CATSPERT: variants seen among roughly 807,000 people sequenced by gnomAD.
CATSPERT encodes the protein catsper channel auxiliary subunit tau, also known as cation channel sperm-associated targeting subunit tau.
the CATSPERT span, among the ~76,000 whole-genome samples, chr2:201,567,204 A>C: frequency 1.3e-5 from 2 of 152,210 alleles, no homozygotes; most frequent in African/African-American, 4.8e-5. Context: ...ATGTATACCC[A>C]GTGGTCCCTA....
chr2:201,537,476 A>G, the CATSPERT span: 1 of 1,587,508 alleles, frequency 6.3e-7, no homozygotes, highest in South Asian at 1.2e-5. Flanking sequence ...TACAAGAGGG[A>G]TATCTGCTTA....
the CATSPERT span, among the ~76,000 whole-genome samples, chr2:201,599,644 T>A: frequency 6.6e-6 from 1 of 152,206 alleles, no homozygotes; most frequent in African/African-American, 2.4e-5. Flanking sequence ...GCTTGTCCAA[T>A]TTTCTGTGTA....
chr2:201,501,292 G>A, the CATSPERT span, among the ~76,000 whole-genome samples: 1 of 151,076 alleles, frequency 6.6e-6, no homozygotes. Context: ...TAGCTACTCA[G>A]GAGGCTGAGG....
chr2:201,495,403 C>T, the CATSPERT span, among the ~76,000 whole-genome samples: 117 of 152,206 alleles, frequency 7.7e-4, 2 homozygotes, highest in South Asian at 0.023. Context: ...CTCAGGATTA[C>T]AGTAAAAATT....
At chr2:201,589,754 A>G in the CATSPERT span, among the ~76,000 whole-genome samples, 1 of 152,176 alleles carries the variant, frequency 6.6e-6, no homozygotes, top group Non-Finnish European at 1.5e-5. Flanking sequence ...GCAAAAATTG[A>G]CAAATGGGAT....
chr2:201,608,694 A>G, the CATSPERT span, among the ~76,000 whole-genome samples: 7 of 151,852 alleles, frequency 4.6e-5, no homozygotes, highest in Non-Finnish European at 5.9e-5. Context: ...GCGAGTTCCT[A>G]CAGTCCTAGC....
the CATSPERT span, chr2:201,494,153 GT>G: frequency 1.1e-5 from 17 of 1,531,480 alleles, no homozygotes; most frequent in South Asian, 6.0e-5. Flanking sequence ...TTTAAATCTT[GT>G]TTTTTTTCCA....
chr2:201,529,871 TA>T, the CATSPERT span, among the ~76,000 whole-genome samples: 3 of 152,084 alleles, frequency 2.0e-5, no homozygotes, highest in African/African-American at 7.2e-5. Context: ...AAGGGGCTAA[TA>T]TTCAAAATAT....
At chr2:201,608,304 T>C in the CATSPERT span, among the ~76,000 whole-genome samples, 12 of 152,122 alleles carry the variant, frequency 7.9e-5, no homozygotes, top group Non-Finnish European at 8.8e-5. Flanking sequence ...TGAGCCATCA[T>C]ACCCAGCCTC....
At chr2:201,589,855 C>T in the CATSPERT span, among the ~76,000 whole-genome samples, 1 of 151,900 alleles carries the variant, frequency 6.6e-6, no homozygotes, top group African/African-American at 2.4e-5. Flanking sequence ...GCAAACTATG[C>T]ATCTAACAAA....
chr2:201,493,544 A>G, the CATSPERT span: 1 of 1,536,996 alleles, frequency 6.5e-7, no homozygotes, highest in Non-Finnish European at 8.7e-7. Context: ...TCTATAGGAA[A>G]TGCTTGTATT....
At chr2:201,506,296 A>AAAC in the CATSPERT span, among the ~76,000 whole-genome samples, 1 of 116,894 alleles carries the variant, frequency 8.6e-6, no homozygotes, top group African/African-American at 3.4e-5. Context: ...AACAAACAAA[A>AAAC]CACCAAGTCA....
the CATSPERT span, among the ~76,000 whole-genome samples, chr2:201,513,612 A>G: frequency 2.0e-5 from 3 of 152,218 alleles, no homozygotes; most frequent in Admixed American, 6.5e-5. Context: ...TTGTTCTACC[A>G]AAAAGACATA....
At chr2:201,537,499 G>T in the CATSPERT span, 7 of 1,543,404 alleles carry the variant, frequency 4.5e-6, no homozygotes, top group South Asian at 1.2e-5. Context: ...CAATTAATAG[G>T]GGTATTTTAT....
the CATSPERT span, chr2:201,575,388 G>A: frequency 1.4e-5 from 19 of 1,350,138 alleles, no homozygotes; most frequent in African/African-American, 1.5e-4. Flanking sequence ...GTATATTATC[G>A]AAACCAAGGG....
chr2:201,516,765 C>G, the CATSPERT span, among the ~76,000 whole-genome samples: 1 of 151,346 alleles, frequency 6.6e-6, no homozygotes. Flanking sequence ...TTCCCCCCTA[C>G]CAGAACACAG....
chr2:201,589,545 G>A, the CATSPERT span, among the ~76,000 whole-genome samples: 46 of 151,374 alleles, frequency 3.0e-4, no homozygotes, highest in African/African-American at 1.0e-3. Context: ...GATAACTGGC[G>A]AGCCATATGC....
chr2:201,563,500 G>A, the CATSPERT span, among the ~76,000 whole-genome samples: 1 of 148,868 alleles, frequency 6.7e-6, no homozygotes, highest in Admixed American at 6.7e-5. Context: ...CGGGGCGGCT[G>A]GCCGGGCAGA....
At chr2:201,515,825 G>C in the CATSPERT span, among the ~76,000 whole-genome samples, 1 of 152,168 alleles carries the variant, frequency 6.6e-6, no homozygotes, top group Non-Finnish European at 1.5e-5. Flanking sequence ...AAATGGCAAG[G>C]ACTCCTCTAC....
Sources: allele counts gnomAD v4.1 joint callset (sites outside exome capture counted in the v4.1 genomes callset), GRCh38; gene constraint gnomAD v4.1.1; transcripts MANE v1.5; gene names NCBI Gene and HGNC (gene_info 2026-07-23, HGNC 2026-07-21).